Variants in KCNH8 observed in about 807,000 individuals in gnomAD.
The protein encoded by KCNH8 is voltage-gated delayed rectifier potassium channel KCNH8.
A neutral mutation model predicts 103.6 loss-of-function variants in KCNH8; 70 were observed. The ratio of observed to expected loss-of-function variants is 0.68; its 90% CI spans 0.56 to 0.82. The LOEUF is 0.82. KCNH8 is among the 40% of genes least tolerant of loss of function. The pLI, the probability that KCNH8 is intolerant of heterozygous loss-of-function variation, is 0.00. For missense variants in KCNH8, 1,217 were observed against 1,329.9 expected, an observed-to-expected ratio of 0.92 and a Z score of 1.32; for synonymous variants, 498 against 489.4, an observed-to-expected ratio of 1.02 and a Z score of -0.23.
At chr3:19,475,756 TATGAC>T (rs2067960399) in intron 11 of KCNH8, among the ~76,000 whole-genome samples, 1 of 152,224 alleles carries the variant, frequency 6.6e-6, no homozygotes, top group Non-Finnish European at 1.5e-5. Flanking sequence ...ATATTTTATT[TATGAC>T]ATAATTCTTG....
At chr3:19,501,113 G>A (rs2068573325) in intron 11 of KCNH8, among the ~76,000 whole-genome samples, 2 of 152,144 alleles carry the variant, frequency 1.3e-5, no homozygotes, top group South Asian at 2.1e-4. Context: ...CGATCCCACA[G>A]AAATACAAAC....
intron 9 of KCNH8, 30 bp downstream of exon 9, chr3:19,450,335 G>A (rs758486901): frequency 6.4e-7 from 1 of 1,555,276 alleles, no homozygotes; most frequent in Non-Finnish European, 8.9e-7. Flanking sequence ...TTGTTTTCAG[G>A]CAGAAAGCAC....
chr3:19,414,199 A>G (rs1050755250), intron 7 of KCNH8, among the ~76,000 whole-genome samples: 5 of 152,116 alleles, frequency 3.3e-5, no homozygotes, highest in Non-Finnish European at 7.4e-5. Context: ...GTTCGATTCA[A>G]AAGTAAAAGA....
chr3:19,224,041 G>C (rs566025649), intron 1 of KCNH8, among the ~76,000 whole-genome samples: 1 of 152,206 alleles, frequency 6.6e-6, no homozygotes, highest in East Asian at 1.9e-4. Context: ...ACTGATTTGT[G>C]CTTCCCTATA....
intron 5 of KCNH8, among the ~76,000 whole-genome samples, chr3:19,384,624 A>T (rs1422421139): frequency 2.0e-5 from 3 of 152,138 alleles, no homozygotes; most frequent in Admixed American, 1.3e-4. Context: ...AATTATTATT[A>T]TCCCACCCAA....
chr3:19,273,268 C>T (rs896882459), intron 2 of KCNH8, among the ~76,000 whole-genome samples: 1 of 152,180 alleles, frequency 6.6e-6, no homozygotes, highest in Non-Finnish European at 1.5e-5. Flanking sequence ...TAAACAATTG[C>T]AAATTTGAAG....
intron 1 of KCNH8, among the ~76,000 whole-genome samples, chr3:19,169,667 C>T (rs978654686): frequency 6.6e-6 from 1 of 152,124 alleles, no homozygotes; most frequent in Admixed American, 6.5e-5. Flanking sequence ...CCCTTTGGAC[C>T]CTGGAGGCAT....
At chr3:19,497,679 T>A (rs1313704901) in intron 11 of KCNH8, among the ~76,000 whole-genome samples, 1 of 152,230 alleles carries the variant, frequency 6.6e-6, no homozygotes, top group Non-Finnish European at 1.5e-5. Context: ...GATTTTAGAA[T>A]ATGTGCCATG....
chr3:19,318,162 A>G (rs2065299742), intron 3 of KCNH8, among the ~76,000 whole-genome samples: 1 of 151,976 alleles, frequency 6.6e-6, no homozygotes, highest in South Asian at 2.1e-4. Flanking sequence ...AAAAGTTGCT[A>G]GCATTCCTGT....
chr3:19,174,330 AT>A (rs1234281678), intron 1 of KCNH8, among the ~76,000 whole-genome samples: 3 of 152,196 alleles, frequency 2.0e-5, no homozygotes, highest in Admixed American at 2.0e-4. Flanking sequence ...AATAAAATAA[AT>A]TTTTAAAACA....
chr3:19,297,416 AAC>A (rs2065010612), intron 3 of KCNH8, among the ~76,000 whole-genome samples: 2 of 152,232 alleles, frequency 1.3e-5, no homozygotes, highest in Admixed American at 1.3e-4. Flanking sequence ...TAAGTTATTT[AAC>A]AGTTTGTTTA....
chr3:19,460,446 A>C (rs540882733), intron 11 of KCNH8, among the ~76,000 whole-genome samples: 1 of 152,144 alleles, frequency 6.6e-6, no homozygotes, highest in Non-Finnish European at 1.5e-5. Context: ...AGGGAACATC[A>C]ATGCAGTTTA....
chr3:19,258,935 C>CTA (rs2064384138), intron 2 of KCNH8, among the ~76,000 whole-genome samples: 1 of 83,438 alleles, frequency 1.2e-5, no homozygotes, highest in African/African-American at 4.9e-5. Flanking sequence ...CTCTCTCTCT[C>CTA]TCTCTCTCTC....
At chr3:19,508,005 C>T (rs1015389279) in intron 11 of KCNH8, among the ~76,000 whole-genome samples, 3 of 152,136 alleles carry the variant, frequency 2.0e-5, no homozygotes, top group Non-Finnish European at 4.4e-5. Flanking sequence ...GATGATCATT[C>T]GGGTTTTGCT....
rs370477870 is a variant in KCNH8, at chr3:19,310,447, T to G, written c.442+29118T>G. On this transcript the variant is annotated intron_variant, in intron 3 of 15. Coordinates refer to ENST00000328405, the MANE Select transcript of KCNH8 (RefSeq NM_144633.3). ...ATCCTATCCAGGGACAGATATAACA[T>G]ATCATGAAATGTCAATATATAGGAT... 8.6e-5 allele frequency among the ~76,000 whole-genome samples: 13 copies of G among 152,020 alleles called. 1 individual carries two copies. Among genetic ancestry groups the G allele is most frequent in the Admixed American group, 4.6e-4 (7 of 15,200 alleles).
At position 19,467,670 on chromosome 3, in the gene KCNH8, A is replaced by C. The variant is rs568665436; in HGVS notation, c.2040+10688A>C. Among the ~76,000 whole-genome samples the C allele has an allele frequency of 1.8e-4, 28 of 152,294 alleles. 1 individual carries two copies. The South Asian group carries it at 5.8e-3, about 32-fold the overall frequency. Reference sequence around the variant, plus strand: ...GACCATGACAAATGAGATTCAATATAGTGATTCTCCCTGCCTCCACTTGTA... The same window carrying C: ...GACCATGACAAATGAGATTCAATATCGTGATTCTCCCTGCCTCCACTTGTA... On this transcript the variant is annotated intron_variant, in intron 11 of 15. Transcript: ENST00000328405.
At chr3:19,350,189 A>G (rs903605087) in intron 5 of KCNH8, among the ~76,000 whole-genome samples, 4 of 152,144 alleles carry the variant, frequency 2.6e-5, no homozygotes, top group Non-Finnish European at 4.4e-5. Context: ...TATTCTATAA[A>G]ATATTTCAAA....
At chr3:19,501,193 C>G (rs907628222) in intron 11 of KCNH8, among the ~76,000 whole-genome samples, 4 of 152,168 alleles carry the variant, frequency 2.6e-5, no homozygotes, top group Non-Finnish European at 5.9e-5. Flanking sequence ...TGGATAAATT[C>G]CTCGACACAT....
chr3:19,306,790 GA>G (rs1575513330), intron 3 of KCNH8, among the ~76,000 whole-genome samples: 1 of 151,938 alleles, frequency 6.6e-6, no homozygotes, highest in Non-Finnish European at 1.5e-5. Flanking sequence ...CACCTATCAG[GA>G]AATGTGATAT....
Sources: gnomAD v4.1 joint callset for allele counts (sites outside exome capture counted in the v4.1 genomes callset) on GRCh38, gnomAD v4.1.1 for gene constraint, MANE v1.5 for transcripts, NCBI Gene and HGNC (gene_info 2026-07-23, HGNC 2026-07-21) for gene names.